The following PGCKA1 variants were observed in gnomAD, a reference collection of about 807,000 sequenced individuals.
PGCKA1 encodes the protein PDCD10 and GCKIII kinases-associated protein 1.
chr4:37,574,065 G>A, the PGCKA1 span, among the ~76,000 whole-genome samples: 1 of 151,752 alleles, frequency 6.6e-6, no homozygotes, highest in South Asian at 2.1e-4. Flanking sequence ...GCACGTGCCT[G>A]TAATCCCAGC....
chr4:37,492,642 C>T, the PGCKA1 span, among the ~76,000 whole-genome samples: 30 of 152,318 alleles, frequency 2.0e-4, no homozygotes, highest in East Asian at 3.9e-3. This position sits in a 1 kb window ranked among gnomAD's most constrained non-coding sequence, Gnocchi z 4.7. Flanking sequence ...TAGTATCCCA[C>T]GTTGGATATG....
At chr4:37,512,239 A>G in the PGCKA1 span, among the ~76,000 whole-genome samples, 1 of 146,908 alleles carries the variant, frequency 6.8e-6, no homozygotes, top group African/African-American at 2.6e-5. Flanking sequence ...CCCTTTGTAT[A>G]GATAGTGTCA....
the PGCKA1 span, among the ~76,000 whole-genome samples, chr4:37,499,039 G>T: frequency 6.6e-6 from 1 of 152,170 alleles, no homozygotes; most frequent in Admixed American, 6.5e-5. Flanking sequence ...ATGAAGGGGC[G>T]TTGAATTTTA....
At chr4:37,519,019 A>G in the PGCKA1 span, among the ~76,000 whole-genome samples, 8 of 152,180 alleles carry the variant, frequency 5.3e-5, no homozygotes, top group Non-Finnish European at 1.2e-4. Context: ...CATTTATTGA[A>G]GGGACTGTCT....
chr4:37,558,575 A>T, the PGCKA1 span, among the ~76,000 whole-genome samples: 2 of 152,064 alleles, frequency 1.3e-5, no homozygotes, highest in African/African-American at 2.4e-5. Flanking sequence ...AATGGCAACA[A>T]AAGATGAAAT....
the PGCKA1 span, chr4:37,460,878 AT>A: frequency 5.0e-6 from 2 of 399,138 alleles, no homozygotes; most frequent in Non-Finnish European, 4.8e-6. Flanking sequence ...TGTTGCAATT[AT>A]TTTTGACGAT....
the PGCKA1 span, among the ~76,000 whole-genome samples, chr4:37,589,655 A>G: frequency 1.3e-5 from 2 of 152,206 alleles, no homozygotes; most frequent in African/African-American, 4.8e-5. Flanking sequence ...CTTTTTCAAG[A>G]CTGTCTCGCT....
chr4:37,485,699 C>T, the PGCKA1 span, among the ~76,000 whole-genome samples: 1 of 152,000 alleles, frequency 6.6e-6, no homozygotes, highest in South Asian at 2.1e-4. Flanking sequence ...ACCTGAATAC[C>T]ACCAATTGAG....
the PGCKA1 span, among the ~76,000 whole-genome samples, chr4:37,516,764 G>C: frequency 1.3e-5 from 2 of 152,140 alleles, no homozygotes; most frequent in Non-Finnish European, 2.9e-5. Context: ...GCAAATATGT[G>C]TTGATATACT....
At chr4:37,465,960 C>T in the PGCKA1 span, among the ~76,000 whole-genome samples, 19 of 152,094 alleles carry the variant, frequency 1.2e-4, no homozygotes, top group African/African-American at 4.1e-4. Context: ...TGCTTTGAAC[C>T]GGCCACTGAA....
chr4:37,570,640 G>A, the PGCKA1 span, among the ~76,000 whole-genome samples: 1 of 152,076 alleles, frequency 6.6e-6, no homozygotes, highest in African/African-American at 2.4e-5. Flanking sequence ...TGTCTACTTC[G>A]CCTTCTGGCC....
At chr4:37,558,348 C>T in the PGCKA1 span, among the ~76,000 whole-genome samples, 1 of 152,100 alleles carries the variant, frequency 6.6e-6, no homozygotes, top group African/African-American at 2.4e-5. Flanking sequence ...GAAAAGATTT[C>T]CAGTTAATCT....
chr4:37,497,272 T>C, the PGCKA1 span, among the ~76,000 whole-genome samples: 3 of 152,208 alleles, frequency 2.0e-5, no homozygotes, highest in Non-Finnish European at 4.4e-5. Context: ...TTTATTCCTT[T>C]TTATGGTTGG....
chr4:37,524,066 A>C, the PGCKA1 span, among the ~76,000 whole-genome samples: 6 of 152,250 alleles, frequency 3.9e-5, no homozygotes, highest in Non-Finnish European at 8.8e-5. Flanking sequence ...CATTTCAAGA[A>C]GAGAAAGTGT....
At chr4:37,537,097 A>G in the PGCKA1 span, among the ~76,000 whole-genome samples, 2 of 152,248 alleles carry the variant, frequency 1.3e-5, no homozygotes, top group African/African-American at 4.8e-5. Context: ...GACCTGTGCC[A>G]ATGTAACATA....
the PGCKA1 span, chr4:37,584,252 A>G: frequency 1.3e-5 from 2 of 152,256 alleles, no homozygotes; most frequent in African/African-American, 2.4e-5. Context: ...TGGACATTAG[A>G]GCCTGTCCGT....
At chr4:37,549,571 G>T in the PGCKA1 span, among the ~76,000 whole-genome samples, 1 of 152,062 alleles carries the variant, frequency 6.6e-6, no homozygotes, top group Non-Finnish European at 1.5e-5. Context: ...AAATACCAAA[G>T]GACATCATTA....
chr4:37,575,543 T>C, the PGCKA1 span, among the ~76,000 whole-genome samples: 1 of 152,188 alleles, frequency 6.6e-6, no homozygotes, highest in Non-Finnish European at 1.5e-5. Context: ...TCTCCCATTC[T>C]GTGGGTTGTC....
the PGCKA1 span, among the ~76,000 whole-genome samples, chr4:37,464,208 T>A: frequency 6.6e-6 from 1 of 152,192 alleles, no homozygotes; most frequent in Non-Finnish European, 1.5e-5. Flanking sequence ...CTGTACTTCT[T>A]GTGTAAGTCT....
Sources: gnomAD v4.1 joint callset for allele counts (sites outside exome capture counted in the v4.1 genomes callset) on GRCh38, gnomAD v4.1.1 for gene constraint, Gnocchi (gnomAD v3.1) non-coding constraint, MANE v1.5 for transcripts, NCBI Gene and HGNC (gene_info 2026-07-23, HGNC 2026-07-21) for gene names.